Variants in CDH13 observed in about 807,000 individuals in gnomAD.
CDH13 encodes the protein cadherin 13.
In CDH13, 24 loss-of-function variants were observed where a neutral mutation model predicts 63.8. That is an observed-to-expected ratio of 0.38 (90% CI 0.27 to 0.53). CDH13 has a LOEUF of 0.53. Ranked by LOEUF, CDH13 falls within the 20% of genes least tolerant of loss-of-function variation. The pLI, the probability that CDH13 is intolerant of heterozygous loss-of-function variation, is 0.85. For missense variants in CDH13, 1,049 were observed against 903.1 expected (o/e 1.16, Z -2.07); for synonymous variants, 503 against 355.3 (o/e 1.42, Z -4.67).
chr16:82,727,364 G>C (rs72837592), intron 1 of CDH13: 9 of 152,056 alleles, frequency 5.9e-5, no homozygotes, highest in Non-Finnish European at 1.0e-4. Context: ...ACTGATTTTC[G>C]TTTTCCCTGG....
At chr16:83,332,990 C>T (rs2090510536) in intron 5 of CDH13, among the ~76,000 whole-genome samples, 1 of 152,258 alleles carries the variant, frequency 6.6e-6, no homozygotes, top group East Asian at 1.9e-4. Flanking sequence ...TTTCAAAGAA[C>T]ATTTGATAAT....
rs572319588 is a variant in CDH13 at position 82,744,839 on chromosome 16, G to C, written c.46-113523G>C. On this transcript the variant is annotated intron_variant, in intron 1 of 13. Coordinates refer to ENST00000567109, the MANE Select transcript of CDH13 (RefSeq NM_001257.5). The stretch of plus-strand genomic sequence containing the variant: ...CAAATAGCCTCGGCCATTTGTACAA[G>C]GTGCAGAGCCTGTAAAATGGCAGCT... Among the ~76,000 whole-genome samples, 9 of 152,236 alleles carry C rather than the reference G, an allele frequency of 5.9e-5. No individual in the cohort carries two copies. In the South Asian group the frequency reaches 1.7e-3, roughly 28 times the overall value.
intron 8 of CDH13, among the ~76,000 whole-genome samples, chr16:83,670,383 A>C (rs890420226): frequency 6.6e-6 from 1 of 150,384 alleles, no homozygotes. Flanking sequence ...CTTGGCCACC[A>C]GGTTGCTCCC....
intron 3 of CDH13, among the ~76,000 whole-genome samples, chr16:83,099,280 A>G (rs936743411): frequency 2.6e-5 from 4 of 152,180 alleles, no homozygotes; most frequent in Non-Finnish European, 5.9e-5. Context: ...CACACATTTT[A>G]CACTAAAAAC....
intron 4 of CDH13, among the ~76,000 whole-genome samples, chr16:83,154,810 T>G (rs961597764): frequency 3.9e-5 from 6 of 152,200 alleles, no homozygotes; most frequent in African/African-American, 1.4e-4. Context: ...TTCTATATTT[T>G]CTGTAAGACC....
chr16:82,726,502 A>T (rs926740410), intron 1 of CDH13, among the ~76,000 whole-genome samples: 1 of 152,212 alleles, frequency 6.6e-6, no homozygotes, highest in African/African-American at 2.4e-5. Flanking sequence ...AGCTGTTCAA[A>T]AACAGGTGGT....
chr16:82,952,342 A>G (rs976614477), intron 2 of CDH13, among the ~76,000 whole-genome samples: 1 of 152,196 alleles, frequency 6.6e-6, no homozygotes, highest in Non-Finnish European at 1.5e-5. Context: ...CTCATTGGCT[A>G]TGGTATTTCT....
At chr16:82,732,289 T>C (rs1198110494) in intron 1 of CDH13, among the ~76,000 whole-genome samples, 1 of 152,178 alleles carries the variant, frequency 6.6e-6, no homozygotes, top group Non-Finnish European at 1.5e-5. Context: ...AATAGGTCTG[T>C]ATTTAAAAGT....
chr16:83,334,904 C>T (rs983221555), intron 5 of CDH13, among the ~76,000 whole-genome samples: 1 of 152,108 alleles, frequency 6.6e-6, no homozygotes, highest in African/African-American at 2.4e-5. Context: ...CTAAATCTGC[C>T]TACCAAGCCT....
Position 83,212,032 on chromosome 16 carries a change from C to T in CDH13, c.484-5313C>T, listed in dbSNP as rs138914052. ...GGGCCTTAACAGCTGCTGCAACAGT[C>T]GAGACTCGTGGCAGGGTTTGCTTTG... On this transcript the variant is annotated intron_variant, in intron 4 of 13. Coordinates refer to ENST00000567109, the MANE Select transcript of CDH13 (RefSeq NM_001257.5). Among the ~76,000 whole-genome samples the T allele has an allele frequency of 2.8e-3, 430 of 152,238 alleles. 2 individuals carry two copies. Among genetic ancestry groups the T allele is most frequent in the Non-Finnish European group, 4.5e-3 (306 of 68,018 alleles).
At chr16:83,378,152 G>A (rs1185013320) in intron 6 of CDH13, among the ~76,000 whole-genome samples, 1 of 152,150 alleles carries the variant, frequency 6.6e-6, no homozygotes, top group Non-Finnish European at 1.5e-5. Context: ...GATTTATCCA[G>A]CCTTTGCTCT....
chr16:83,648,415 G>T (rs1179417960), intron 8 of CDH13, among the ~76,000 whole-genome samples: 1 of 152,174 alleles, frequency 6.6e-6, no homozygotes, highest in Admixed American at 6.5e-5. Context: ...CTTCATGGTA[G>T]TTAATGCAGA....
chr16:83,324,403 A>T (rs2090312225), intron 5 of CDH13, among the ~76,000 whole-genome samples: 2 of 152,198 alleles, frequency 1.3e-5, no homozygotes, highest in African/African-American at 4.8e-5. Context: ...AGTAGCATCC[A>T]ACACCCCCTC....
intron 2 of CDH13, among the ~76,000 whole-genome samples, chr16:82,966,407 A>G (rs1192959480): frequency 6.6e-6 from 1 of 152,164 alleles, no homozygotes; most frequent in African/African-American, 2.4e-5. Context: ...TCCGCCTCCC[A>G]AAGTGTTGGG....
intron 1 of CDH13, among the ~76,000 whole-genome samples, chr16:82,722,081 C>T (rs911300824): frequency 2.6e-5 from 4 of 152,160 alleles, no homozygotes; most frequent in Admixed American, 6.5e-5. Flanking sequence ...TGGATGGAAA[C>T]ACAACAGAGT....
chr16:83,427,692 C>G lies in CDH13; in HGVS notation c.782-58785C>G, dbSNP rs1468921303. 3.9e-5 allele frequency among the ~76,000 whole-genome samples: 6 copies of G among 152,248 alleles called. No individual in the cohort carries two copies. In the South Asian group the frequency reaches 1.2e-3, roughly 32 times the overall value. ...TGCCTTGTGCCTTCAGGATTCTCCTCCACCCTCGGCAGGCCTGGTGCTACT... is the reference window on the plus strand; with the variant it reads ...TGCCTTGTGCCTTCAGGATTCTCCTGCACCCTCGGCAGGCCTGGTGCTACT... On this transcript the variant is annotated intron_variant, in intron 6 of 13. Transcript: ENST00000567109.
chr16:83,706,463 G>C (rs7201416), intron 10 of CDH13, among the ~76,000 whole-genome samples: 1 of 152,098 alleles, frequency 6.6e-6, no homozygotes, highest in Non-Finnish European at 1.5e-5. Flanking sequence ...TAGAGCCAAA[G>C]TCTGCATGAA....
intron 1 of CDH13, among the ~76,000 whole-genome samples, chr16:82,731,197 A>G (rs1378416948): frequency 6.6e-6 from 1 of 152,184 alleles, no homozygotes; most frequent in African/African-American, 2.4e-5. Flanking sequence ...TTTTTTCTGT[A>G]AAAAGCTAGA....
intron 5 of CDH13, among the ~76,000 whole-genome samples, chr16:83,231,237 G>T (rs1212755830): frequency 1.3e-5 from 2 of 152,156 alleles, no homozygotes; most frequent in Non-Finnish European, 2.9e-5. Flanking sequence ...AACTGTGTAG[G>T]TTGGATCATG....
Sources: gnomAD v4.1 joint callset for allele counts (sites outside exome capture counted in the v4.1 genomes callset) on GRCh38, gnomAD v4.1.1 for gene constraint, MANE v1.5 for transcripts, NCBI Gene and HGNC (gene_info 2026-07-23, HGNC 2026-07-21) for gene names.